The following HSF2 variants were observed in gnomAD, a reference collection of about 807,000 sequenced individuals.
HSF2 encodes heat shock factor protein 2.
A neutral mutation model predicts 65.0 loss-of-function variants in HSF2; 21 were observed. That is an observed-to-expected ratio of 0.32 (90% CI 0.23 to 0.47). The LOEUF (loss-of-function observed/expected upper bound fraction) is 0.47. HSF2 is among the 20% of genes least tolerant of loss of function. The pLI, the probability that HSF2 is intolerant of heterozygous loss-of-function variation, is 1.00. For synonymous variants in HSF2, 225 were observed against 219.1 expected, an observed-to-expected ratio of 1.03 and a Z score of -0.24; for missense variants, 499 against 628.1, an observed-to-expected ratio of 0.79 and a Z score of 2.20.
At position 122,427,950 on chromosome 6, in the gene HSF2, T is replaced by C. The variant is rs781546709; in HGVS notation, c.1224T>C (p.Asn408=). 1 of 1,595,860 alleles carries C rather than the reference T, an allele frequency of 6.3e-7. No homozygotes were observed. The highest frequency in any genetic ancestry group is 8.6e-7 in the Non-Finnish European group (1 of 1,166,622). ...VQMNPTDYIN[N]TKSENKGLET... is the part of the protein sequence containing the mutation. ...TGAATCCCACAGATTACATCAATAA[T>C]ACAAAAGTAAGTTTTAATTCATGTT... Residue 408 remains asparagine, a synonymous_variant, in exon 11 of 13, where the codon AAT becomes AAC. Transcript: ENST00000368455.
chr6:122,418,817 A>G (rs1002522075), intron 5 of HSF2, among the ~76,000 whole-genome samples: 8 of 152,088 alleles, frequency 5.3e-5, no homozygotes, highest in African/African-American at 1.2e-4. Flanking sequence ...TTCTGAAGGA[A>G]CTGACGGTTT....
chr6:122,428,147 T>G (rs766413261), intron 11 of HSF2, among the ~76,000 whole-genome samples, 191 bp downstream of exon 11: 19 of 152,054 alleles, frequency 1.2e-4, no homozygotes, highest in Non-Finnish European at 2.4e-4. Flanking sequence ...TTACCCACTT[T>G]TGGCACTTGT....
At chr6:122,421,398 A>G (rs865788991) in intron 7 of HSF2, among the ~76,000 whole-genome samples, 1 of 152,126 alleles carries the variant, frequency 6.6e-6, no homozygotes, top group Admixed American at 6.6e-5. Context: ...GTTAGAAAAT[A>G]ATCAAGCATA....
chr6:122,402,114 T>C (rs1379599328), intron 1 of HSF2, among the ~76,000 whole-genome samples: 3 of 152,230 alleles, frequency 2.0e-5, no homozygotes, highest in Non-Finnish European at 4.4e-5. Flanking sequence ...AAGACAATTC[T>C]TCTTCCAGTG....
Position 122,399,706 on chromosome 6 carries a change from G to T in HSF2, c.-32G>T, listed in dbSNP as rs755979284. 2.3e-5 allele frequency: 37 copies of T among 1,581,546 alleles called. 1 individual carries two copies. In the South Asian group the frequency reaches 3.8e-4, roughly 16 times the overall value. ...GCCGCCGCTACCACCGCGTTCGGGTGTAGAATTTGGAATCCCTGCGCCGCG... is the reference window on the plus strand; with the variant it reads ...GCCGCCGCTACCACCGCGTTCGGGTTTAGAATTTGGAATCCCTGCGCCGCG... On this transcript the variant is annotated 5_prime_UTR_variant, in exon 1 of 13. Transcript: ENST00000368455.
At chr6:122,421,407 T>G (rs1301258451) in intron 7 of HSF2, among the ~76,000 whole-genome samples, 2 of 142,506 alleles carry the variant, frequency 1.4e-5, no homozygotes. Context: ...TAATCAAGCA[T>G]ACCTATTTTG....
At chr6:122,410,879 G>A (rs918571312) in intron 1 of HSF2, among the ~76,000 whole-genome samples, 8 of 150,394 alleles carry the variant, frequency 5.3e-5, no homozygotes, top group Non-Finnish European at 1.0e-4. Flanking sequence ...TGAACATGGG[G>A]TACAAATATC....
Position 122,422,141 on chromosome 6 carries a change from A to T in HSF2, c.682-9A>T, listed in dbSNP as rs780282440. 6.4e-7 allele frequency: 1 copy of T among 1,563,218 alleles called. No homozygotes were observed. Among genetic ancestry groups the T allele is most frequent in the Admixed American group, 2.0e-5 (1 of 49,124 alleles). ...ATTTTTAGATATATTTTTCTCTCTG[A>T]ATTTTTAGGTTCCACACAGTAGGAC... is the stretch of plus-strand genomic sequence containing the variant. On this transcript the variant is annotated splice_polypyrimidine_tract_variant and intron_variant, in intron 7 of 12. Coordinates refer to ENST00000368455, the MANE Select transcript of HSF2 (RefSeq NM_004506.4).
At position 122,399,655 on chromosome 6, in the gene HSF2, C is replaced by A; in HGVS notation, c.-83C>A. ...CTGCTGCGCCTGCGTTGTGGGCGTT[C>A]TCGGGGAGCTGCTGCCGTAGCTGCC... On this transcript the variant is annotated 5_prime_UTR_variant, in exon 1 of 13. Coordinates refer to ENST00000368455, the MANE Select transcript of HSF2 (RefSeq NM_004506.4). 1 of 1,179,504 alleles carries A rather than the reference C, an allele frequency of 8.5e-7. No individual in the cohort carries two copies. Among genetic ancestry groups the A allele is most frequent in the Non-Finnish European group, 1.2e-6 (1 of 806,036 alleles). The allele number at this position is 1,179,504 out of a possible 1,614,324, so 73.1% of individuals were successfully genotyped here.
chr6:122,419,826 C>G (rs1774195243), intron 6 of HSF2, among the ~76,000 whole-genome samples: 2 of 152,058 alleles, frequency 1.3e-5, no homozygotes, highest in Admixed American at 6.6e-5. Flanking sequence ...ATGATATTAT[C>G]TATTTTTTTC....
At chr6:122,406,338 A>T (rs13195492) in intron 1 of HSF2, among the ~76,000 whole-genome samples, 206 of 152,290 alleles carry the variant, frequency 1.4e-3, no homozygotes, top group Non-Finnish European at 2.5e-3. Context: ...GGGAATGACA[A>T]AAGGTAAGGC....
intron 11 of HSF2, among the ~76,000 whole-genome samples, chr6:122,430,537 C>T (rs1774438934): frequency 6.6e-6 from 1 of 151,936 alleles, no homozygotes; most frequent in Non-Finnish European, 1.5e-5. Flanking sequence ...TTTTTATGTA[C>T]ACTTTTGGAA....
In HSF2 at chr6:122,432,116, C is replaced by A; in HGVS notation, c.1507C>A (p.Leu503Met). Residue 503 changes from leucine to methionine, a missense_variant, in exon 13 of 13, where the codon CTG becomes ATG. Leu to Met is a conservative substitution (Grantham distance 15, BLOSUM62 2). Coordinates refer to ENST00000368455, the MANE Select transcript of HSF2 (RefSeq NM_004506.4). ...PEPTQSKLVR[L>M]EPLTEAEASE... The stretch of plus-strand genomic sequence containing the variant: ...ACCAACCCAAAGTAAGCTTGTTCGC[C>A]TGGAGCCATTGACTGAAGCTGAAGC... The A allele has an allele frequency of 6.2e-7, 1 of 1,614,080 alleles. No homozygotes were observed. The highest frequency in any genetic ancestry group is 8.5e-7 in the Non-Finnish European group (1 of 1,179,974).
chr6:122,412,402 G>A lies in HSF2; in HGVS notation c.123G>A (p.Glu41=), dbSNP rs1774020439. ...QNGQSFLVLD[E]QRFAKEILPK... is the part of the protein sequence containing the mutation. ...GCCAAAGTTTTCTGGTCTTGGATGA[G>A]CAACGATTTGCAAAAGAAATTCTTC... is the stretch of plus-strand genomic sequence containing the variant. Residue 41 remains glutamate (E), a synonymous_variant, in exon 2 of 13, where the codon GAG becomes GAA. Transcript: ENST00000368455. 1 of 1,611,642 alleles carries A rather than the reference G, an allele frequency of 6.2e-7. No homozygotes were observed. Among genetic ancestry groups the A allele is most frequent in the Admixed American group, 1.7e-5 (1 of 59,896 alleles).
intron 10 of HSF2, among the ~76,000 whole-genome samples, chr6:122,424,614 G>A (rs554518623): frequency 6.6e-6 from 1 of 152,046 alleles, no homozygotes; most frequent in African/African-American, 2.4e-5. Context: ...TCACAGAGGG[G>A]ATTTTACTTT....
chr6:122,425,134 CT>C (rs1243997140), intron 10 of HSF2, among the ~76,000 whole-genome samples: 1 of 152,006 alleles, frequency 6.6e-6, no homozygotes. Flanking sequence ...TCTGCTCCAT[CT>C]TAAAAAACAA....
At chr6:122,405,358 G>T (rs1180985129) in intron 1 of HSF2, among the ~76,000 whole-genome samples, 1 of 152,032 alleles carries the variant, frequency 6.6e-6, no homozygotes, top group Non-Finnish European at 1.5e-5. Flanking sequence ...CTGTGTGTCG[G>T]TTAAGATGCA....
At chr6:122,424,437 A>G (rs777002512) in intron 10 of HSF2, among the ~76,000 whole-genome samples, 32 of 151,742 alleles carry the variant, frequency 2.1e-4, no homozygotes, top group Non-Finnish European at 3.5e-4. Context: ...CTTTCCTTAC[A>G]TTGCAGCTTC....
intron 2 of HSF2, 50 bp downstream of exon 2, chr6:122,412,531 A>C: frequency 6.5e-7 from 1 of 1,537,330 alleles, no homozygotes; most frequent in Non-Finnish European, 9.0e-7. Context: ...CTACTGATGA[A>C]GCCATTTTTT....
Sources: allele counts gnomAD v4.1 joint callset (sites outside exome capture counted in the v4.1 genomes callset), GRCh38; gene constraint gnomAD v4.1.1; transcripts MANE v1.5; gene names NCBI Gene and HGNC (gene_info 2026-07-23, HGNC 2026-07-21).